The following HECW2 variants were observed in gnomAD, a reference collection of about 807,000 sequenced individuals.
The protein encoded by HECW2 is HECT, C2 and WW domain containing E3 ubiquitin protein ligase 2, also known as E3 ubiquitin-protein ligase HECW2.
In HECW2, 61 loss-of-function variants were observed where a neutral mutation model predicts 175.2. The observed-to-expected ratio is 0.35, with a 90% CI of 0.28 to 0.43. HECW2 has a LOEUF of 0.43. Ranked by LOEUF, HECW2 falls within the 20% of genes least tolerant of loss-of-function variation. HECW2 has a pLI of 1.00. For synonymous variants in HECW2, 671 were observed against 731.0 expected, an observed-to-expected ratio of 0.92 and a Z score of 1.32; for missense variants, 1,524 against 2,000.5, an observed-to-expected ratio of 0.76 and a Z score of 4.54.
intron 2 of HECW2, among the ~76,000 whole-genome samples, chr2:196,403,512 T>G (rs745894422): frequency 6.6e-6 from 1 of 152,210 alleles, no homozygotes; most frequent in East Asian, 1.9e-4. Flanking sequence ...AAAAAGACAT[T>G]TATACTATGC....
chr2:196,554,534 G>A (rs1297448027), intron 1 of HECW2, among the ~76,000 whole-genome samples: 1 of 152,160 alleles, frequency 6.6e-6, no homozygotes, highest in Non-Finnish European at 1.5e-5. Context: ...CAAAGAATGA[G>A]GAGGATGGTC....
intron 2 of HECW2, among the ~76,000 whole-genome samples, chr2:196,377,473 A>T (rs1259880126): frequency 1.3e-5 from 2 of 152,210 alleles, no homozygotes; most frequent in Non-Finnish European, 2.9e-5. Context: ...GGGACGTCTT[A>T]CATGGTAGCA....
At chr2:196,443,896 A>T (rs1242147462) in intron 1 of HECW2, among the ~76,000 whole-genome samples, 1 of 152,146 alleles carries the variant, frequency 6.6e-6, no homozygotes, top group Non-Finnish European at 1.5e-5. Flanking sequence ...TTAGCTGGGC[A>T]TGGTGGCGTG....
At chr2:196,207,007 G>C (rs750597022) in intron 28 of HECW2, among the ~76,000 whole-genome samples, 10 of 152,200 alleles carry the variant, frequency 6.6e-5, no homozygotes, top group Non-Finnish European at 1.0e-4. Context: ...CAACAACAAG[G>C]AGAAGGATGT....
chr2:196,466,609 G>A (rs1002726232), intron 1 of HECW2, among the ~76,000 whole-genome samples: 3 of 152,200 alleles, frequency 2.0e-5, no homozygotes, highest in African/African-American at 7.2e-5. Flanking sequence ...TTGGCCAGCA[G>A]GAATTCAGAT....
chr2:196,580,574 A>T (rs1162673459), intron 1 of HECW2, among the ~76,000 whole-genome samples: 2 of 152,126 alleles, frequency 1.3e-5, no homozygotes, highest in Admixed American at 1.3e-4. Context: ...AGCACATGAA[A>T]AAATGTTCAA....
At chr2:196,264,591 A>T (rs1689436794) in intron 17 of HECW2, among the ~76,000 whole-genome samples, 1 of 152,242 alleles carries the variant, frequency 6.6e-6, no homozygotes, top group Non-Finnish European at 1.5e-5. Context: ...TTTAACAAAT[A>T]TCTGAGAGTG....
intron 2 of HECW2, among the ~76,000 whole-genome samples, chr2:196,409,173 G>GA (rs1361915787): frequency 3.3e-5 from 5 of 152,268 alleles, no homozygotes; most frequent in African/African-American, 1.2e-4. Context: ...CACTTGGCTA[G>GA]AAAGGCTCTG....
chr2:196,494,372 G>A (rs1302783113), intron 1 of HECW2, among the ~76,000 whole-genome samples: 1 of 152,186 alleles, frequency 6.6e-6, no homozygotes, highest in African/African-American at 2.4e-5. Context: ...GGATGATACC[G>A]AAAGGAGAAA....
intron 1 of HECW2, among the ~76,000 whole-genome samples, chr2:196,454,585 T>A (rs898241787): frequency 7.2e-5 from 11 of 152,178 alleles, no homozygotes; most frequent in Admixed American, 7.2e-4. Flanking sequence ...TGTTGATGAG[T>A]GTTACCGAAT....
intron 2 of HECW2, among the ~76,000 whole-genome samples, chr2:196,417,507 T>C (rs748083681): frequency 3.3e-5 from 5 of 152,236 alleles, no homozygotes; most frequent in Non-Finnish European, 5.9e-5. Flanking sequence ...CTCAAACTTC[T>C]GGGCTCAAGT....
chr2:196,367,303 T>A (rs1166038674), intron 2 of HECW2, among the ~76,000 whole-genome samples: 2 of 152,196 alleles, frequency 1.3e-5, no homozygotes, highest in African/African-American at 4.8e-5. Context: ...AAATTGTGAT[T>A]CAGTAGGTAT....
At chr2:196,448,981 G>A (rs1696268111) in intron 1 of HECW2, among the ~76,000 whole-genome samples, 1 of 152,168 alleles carries the variant, frequency 6.6e-6, no homozygotes, top group African/African-American at 2.4e-5. Context: ...AATCAAGCAT[G>A]TGAACACTTG....
chr2:196,582,733 G>A (rs906808347), intron 1 of HECW2, among the ~76,000 whole-genome samples: 2 of 152,164 alleles, frequency 1.3e-5, no homozygotes, highest in Admixed American at 6.5e-5. Flanking sequence ...ACAACAGCAC[G>A]TGAATTTCGT....
intron 14 of HECW2, chr2:196,291,252 CCT>C (rs1690593505): frequency 6.6e-6 from 1 of 152,124 alleles, no homozygotes. Context: ...TATCTGCTCA[CCT>C]ATGGCCTTAT....
At chr2:196,202,209 A>G (rs995898335) in intron 28 of HECW2, among the ~76,000 whole-genome samples, 2 of 152,190 alleles carry the variant, frequency 1.3e-5, no homozygotes, top group Non-Finnish European at 2.9e-5. Context: ...GGGGACCTAC[A>G]TAACTTTGAC....
intron 14 of HECW2, among the ~76,000 whole-genome samples, chr2:196,283,516 C>T (rs924379900): frequency 6.6e-6 from 1 of 151,560 alleles, no homozygotes; most frequent in Non-Finnish European, 1.5e-5. Context: ...GCTGGAATTA[C>T]AGGCACGCAC....
chr2:196,521,308 G>GAAAGAA (rs1688372011), intron 1 of HECW2, among the ~76,000 whole-genome samples: 1 of 99,828 alleles, frequency 1.0e-5, no homozygotes, highest in Non-Finnish European at 2.1e-5. Flanking sequence ...AAAAAAAAAA[G>GAAAGAA]AAAGAAAAAG....
intron 2 of HECW2, among the ~76,000 whole-genome samples, chr2:196,358,419 C>CA (rs1168306823): frequency 6.6e-6 from 1 of 151,442 alleles, no homozygotes; most frequent in Non-Finnish European, 1.5e-5. Flanking sequence ...ACTAAAAACA[C>CA]AAAAAATTAG....
Sources: gnomAD v4.1 joint callset for allele counts (sites outside exome capture counted in the v4.1 genomes callset) on GRCh38, gnomAD v4.1.1 for gene constraint, MANE v1.5 for transcripts, NCBI Gene and HGNC (gene_info 2026-07-23, HGNC 2026-07-21) for gene names.